Variants in UTRN observed in about 807,000 individuals in gnomAD.
UTRN encodes the protein utrophin, also known as dystrophin-related protein 1.
UTRN carries 283 observed loss-of-function variants against 463.9 expected under a neutral mutation model. The ratio of observed to expected loss-of-function variants is 0.61; its 90% CI spans 0.55 to 0.67. UTRN has a LOEUF of 0.67. Among genes scored for constraint, UTRN ranks in the 30% least tolerant of loss-of-function variants. UTRN has a pLI of 0.00. For missense variants in UTRN, 3,922 were observed against 4,084.3 expected (o/e 0.96, Z 1.08); for synonymous variants, 1,442 against 1,431.5 (o/e 1.01, Z -0.17).
At chr6:144,555,742 A>G (rs904470750) in intron 49 of UTRN, among the ~76,000 whole-genome samples, 3 of 152,222 alleles carry the variant, frequency 2.0e-5, no homozygotes, top group East Asian at 3.8e-4. Context: ...CACTATCACA[A>G]GAACAGCACA....
intron 58 of UTRN, among the ~76,000 whole-genome samples, chr6:144,760,261 A>C (rs1168012076): frequency 6.6e-6 from 1 of 152,156 alleles, no homozygotes; most frequent in African/African-American, 2.4e-5. Flanking sequence ...GATTGGTAGA[A>C]TAAAAGTTAG....
At chr6:144,704,567 T>C (rs1207304335) in intron 53 of UTRN, among the ~76,000 whole-genome samples, 1 of 152,160 alleles carries the variant, frequency 6.6e-6, no homozygotes, top group African/African-American at 2.4e-5. Context: ...CTTGATTCCT[T>C]CCAGGGTAGC....
chr6:144,667,193 T>C (rs1295160016), intron 51 of UTRN, among the ~76,000 whole-genome samples: 1 of 152,078 alleles, frequency 6.6e-6, no homozygotes, highest in Non-Finnish European at 1.5e-5. Context: ...TAGCTGGGAT[T>C]ACAGACATGC....
intron 61 of UTRN, among the ~76,000 whole-genome samples, chr6:144,783,251 A>G (rs965812038): frequency 6.6e-6 from 1 of 152,054 alleles, no homozygotes; most frequent in Non-Finnish European, 1.5e-5. Flanking sequence ...CATGCCCAAA[A>G]AGTTATTATC....
intron 57 of UTRN, among the ~76,000 whole-genome samples, chr6:144,757,215 A>AAT (rs1463627713): frequency 6.7e-6 from 1 of 149,670 alleles, no homozygotes; most frequent in Non-Finnish European, 1.5e-5. Context: ...ATTTTTTATA[A>AAT]GTAAGAAGTA....
chr6:144,451,218 C>T lies in UTRN; in HGVS notation c.2073-152C>T, dbSNP rs552046676. 27 of 661,916 alleles carry T rather than the reference C, an allele frequency of 4.1e-5. No homozygotes were observed. In the South Asian group the frequency reaches 7.2e-4, roughly 18 times the overall value. 41.0% of individuals were successfully genotyped at this position (661,916 alleles called of 1,614,324 possible). The stretch of plus-strand genomic sequence containing the variant: ...ACTTTTAGTTGTAAATATATGATCT[C>T]ATTTTGCATGGTTACCCTATTTCTG... On this transcript the variant is annotated intron_variant, in intron 17 of 74. Coordinates refer to ENST00000367545, the MANE Select transcript of UTRN (RefSeq NM_007124.3).
intron 14 of UTRN, among the ~76,000 whole-genome samples, chr6:144,446,267 T>TTGTG (rs372949726): frequency 6.6e-6 from 1 of 151,548 alleles, no homozygotes; most frequent in Non-Finnish European, 1.5e-5. Context: ...ACTATACCTT[T>TTGTG]TGTGTGTGTG....
intron 54 of UTRN, among the ~76,000 whole-genome samples, chr6:144,730,743 C>T (rs1351651973): frequency 1.3e-5 from 2 of 151,536 alleles, no homozygotes; most frequent in African/African-American, 4.8e-5. Context: ...AAAAAGTGTA[C>T]TGTAACTATA....
chr6:144,385,694 T>C (rs1202985137), intron 2 of UTRN, among the ~76,000 whole-genome samples: 1 of 150,318 alleles, frequency 6.7e-6, no homozygotes, highest in Non-Finnish European at 1.5e-5. Context: ...AAGACAGTGC[T>C]GCCAGAACTC....
intron 53 of UTRN, among the ~76,000 whole-genome samples, chr6:144,706,024 C>T (rs1170556132): frequency 6.6e-6 from 1 of 151,918 alleles, no homozygotes; most frequent in East Asian, 1.9e-4. Context: ...TCTTACTGAA[C>T]ATCATCAGTC....
intron 3 of UTRN, among the ~76,000 whole-genome samples, chr6:144,416,158 C>T (rs1416361140): frequency 1.3e-5 from 2 of 151,936 alleles, no homozygotes; most frequent in Non-Finnish European, 2.9e-5. Flanking sequence ...TATATTTCAC[C>T]TATATGTGGT....
chr6:144,724,036 A>G (rs1241495217), intron 53 of UTRN, among the ~76,000 whole-genome samples: 1 of 150,752 alleles, frequency 6.6e-6, no homozygotes, highest in Non-Finnish European at 1.5e-5. Context: ...AAAAGAAAGA[A>G]AAAAAAGAAA....
chr6:144,450,361 A>G (rs1030680068), intron 17 of UTRN, among the ~76,000 whole-genome samples: 8 of 152,128 alleles, frequency 5.3e-5, no homozygotes, highest in African/African-American at 1.7e-4. Context: ...TTCAGTACTC[A>G]TTATTCCAGA....
intron 50 of UTRN, among the ~76,000 whole-genome samples, chr6:144,559,440 A>G (rs1799669604): frequency 6.6e-6 from 1 of 152,160 alleles, no homozygotes; most frequent in Non-Finnish European, 1.5e-5. Context: ...TTCTATATGT[A>G]AAGAGAGTTT....
At chr6:144,616,593 T>G (rs1806132618) in intron 51 of UTRN, among the ~76,000 whole-genome samples, 1 of 152,014 alleles carries the variant, frequency 6.6e-6, no homozygotes, top group African/African-American at 2.4e-5. Context: ...AAGGTGAATT[T>G]CACACAATCT....
At chr6:144,530,669 G>A (rs1383291783) in intron 41 of UTRN, among the ~76,000 whole-genome samples, 5 of 151,948 alleles carry the variant, frequency 3.3e-5, no homozygotes, top group African/African-American at 2.4e-5. Context: ...ACAACTAATC[G>A]ATCCTGATTT....
At chr6:144,734,930 C>T (rs1163495014) in intron 54 of UTRN, among the ~76,000 whole-genome samples, 1 of 152,142 alleles carries the variant, frequency 6.6e-6, no homozygotes, top group African/African-American at 2.4e-5. Context: ...TCGTTCCACT[C>T]CCTGTAGATG....
chr6:144,557,915 A>C (rs1319757638), intron 50 of UTRN, among the ~76,000 whole-genome samples: 9 of 152,200 alleles, frequency 5.9e-5, no homozygotes, highest in Non-Finnish European at 8.8e-5. Context: ...GAATTTGAGA[A>C]ACTATAAACA....
chr6:144,725,274 A>T (rs1787748029), intron 53 of UTRN, among the ~76,000 whole-genome samples: 2 of 152,166 alleles, frequency 1.3e-5, no homozygotes, highest in African/African-American at 4.8e-5. Flanking sequence ...CGTCTTCTGC[A>T]ATGATTGTGA....
Sources: allele counts gnomAD v4.1 joint callset (sites outside exome capture counted in the v4.1 genomes callset), GRCh38; gene constraint gnomAD v4.1.1; transcripts MANE v1.5; gene names NCBI Gene and HGNC (gene_info 2026-07-23, HGNC 2026-07-21).